UBAC2: variants seen among roughly 807,000 people sequenced by gnomAD.
The protein encoded by UBAC2 is UBA domain containing 2, also known as ubiquitin-associated domain-containing protein 2.
Under a neutral mutation model 44.0 loss-of-function variants are expected in UBAC2, and 26 were observed. The ratio of observed to expected loss-of-function variants is 0.59; its 90% CI spans 0.43 to 0.82. The LOEUF (loss-of-function observed/expected upper bound fraction) is 0.82. Among genes scored for constraint, UBAC2 ranks in the 40% least tolerant of loss-of-function variants. The pLI is 0.00. For synonymous variants in UBAC2, 155 were observed against 154.3 expected, an observed-to-expected ratio of 1.00 and a Z score of -0.04; for missense variants, 329 against 419.4, an observed-to-expected ratio of 0.78 and a Z score of 1.88.
intron 7 of UBAC2, among the ~76,000 whole-genome samples, chr13:99,358,907 G>T (rs1321456313): frequency 6.6e-6 from 1 of 152,208 alleles, no homozygotes; most frequent in Non-Finnish European, 1.5e-5. Context: ...GTGTGTTCAG[G>T]AGACAGTGGG....
intron 1 of UBAC2, chr13:99,201,702 A>G (rs2042802616): frequency 4.5e-6 from 4 of 896,822 alleles, no homozygotes; most frequent in Middle Eastern, 3.5e-4. Context: ...CTAATTTTGC[A>G]ATTGCTTGTC....
chr13:99,360,795 T>C (rs2045255024), intron 7 of UBAC2, among the ~76,000 whole-genome samples: 1 of 152,214 alleles, frequency 6.6e-6, no homozygotes, highest in Admixed American at 6.5e-5. Context: ...GATTTAGGCC[T>C]CACAGCTCCC....
intron 4 of UBAC2, among the ~76,000 whole-genome samples, chr13:99,273,841 C>CCTAGATGAAAA: frequency 6.6e-6 from 1 of 150,778 alleles, no homozygotes; most frequent in African/African-American, 2.4e-5. Context: ...TGTTCAGTCT[C>CCTAGATGAAAA]CTGGACAGGT....
rs1594176283 is a variant in UBAC2, at chr13:99,367,022, A to G, written c.808-765A>G. ...GAGATTTAAATTAATAAATTCAAAGATTGCCATATAGCTAGAAACATGGAT... is the reference window on the plus strand; with the variant it reads ...GAGATTTAAATTAATAAATTCAAAGGTTGCCATATAGCTAGAAACATGGAT... On this transcript the variant is annotated intron_variant, in intron 7 of 8. Transcript: ENST00000403766. 3.3e-5 allele frequency among the ~76,000 whole-genome samples: 5 copies of G among 152,342 alleles called. No individual in the cohort carries two copies. In the East Asian group the frequency reaches 5.8e-4, roughly 18 times the overall value.
intron 4 of UBAC2, among the ~76,000 whole-genome samples, chr13:99,281,700 A>G (rs913836818): frequency 6.6e-6 from 1 of 152,222 alleles, no homozygotes; most frequent in African/African-American, 2.4e-5. Context: ...ATGTCTTGAC[A>G]TTGCCTGAGG....
At chr13:99,349,250 C>G (rs2045040118) in intron 7 of UBAC2, among the ~76,000 whole-genome samples, 1 of 152,218 alleles carries the variant, frequency 6.6e-6, no homozygotes, top group Admixed American at 6.5e-5. Context: ...CAAAGAAGCT[C>G]TGTGTGCTGT....
chr13:99,229,055 T>G (rs2043144079), intron 1 of UBAC2, among the ~76,000 whole-genome samples: 2 of 152,178 alleles, frequency 1.3e-5, no homozygotes, highest in African/African-American at 4.8e-5. Context: ...CTGTTAATGA[T>G]CTGGACGTTT....
rs187786461 is a variant in UBAC2, at chr13:99,368,547, G to A, written c.927+641G>A. ...TAGCAATTCTAAAATTATGCTGTGTGTATTATAGATTTGAGCAAATGAGGA... is the reference window on the plus strand; with the variant it reads ...TAGCAATTCTAAAATTATGCTGTGTATATTATAGATTTGAGCAAATGAGGA... On this transcript the variant is annotated intron_variant, in intron 8 of 8. Coordinates refer to ENST00000403766, the MANE Select transcript of UBAC2 (RefSeq NM_001144072.2). Among the ~76,000 whole-genome samples, 7 of 152,290 alleles carry A rather than the reference G, an allele frequency of 4.6e-5. No individual in the cohort carries two copies. In the East Asian group the frequency reaches 1.2e-3, roughly 25 times the overall value.
intron 5 of UBAC2, among the ~76,000 whole-genome samples, chr13:99,314,542 T>G (rs2044462035): frequency 1.3e-5 from 2 of 152,186 alleles, no homozygotes; most frequent in Admixed American, 1.3e-4. Flanking sequence ...TGGAAACAAA[T>G]GAGAACAATC....
intron 1 of UBAC2, among the ~76,000 whole-genome samples, chr13:99,225,280 C>T (rs557250005): frequency 1.4e-4 from 22 of 152,292 alleles, no homozygotes; most frequent in African/African-American, 5.3e-4. Context: ...ACTCTGTATC[C>T]ATTAAACAAC....
intron 8 of UBAC2, among the ~76,000 whole-genome samples, chr13:99,383,073 G>A (rs1175376247): frequency 6.6e-6 from 1 of 152,380 alleles, no homozygotes; most frequent in African/African-American, 2.4e-5. Flanking sequence ...CACCAGGGTG[G>A]CAGCATTCTC....
At chr13:99,237,653 A>G (rs1294934524) in intron 1 of UBAC2, among the ~76,000 whole-genome samples, 1 of 152,226 alleles carries the variant, frequency 6.6e-6, no homozygotes, top group Non-Finnish European at 1.5e-5. Flanking sequence ...GAAAAGAGAG[A>G]TATTTAAGAT....
At chr13:99,263,933 GATGAA>G (rs1222937444) in intron 4 of UBAC2, among the ~76,000 whole-genome samples, 21 of 152,318 alleles carry the variant, frequency 1.4e-4, no homozygotes, top group African/African-American at 4.8e-4. Context: ...TCAAAAAGCA[GATGAA>G]ATGAAAATAC....
intron 4 of UBAC2, among the ~76,000 whole-genome samples, chr13:99,250,878 C>G (rs1009670902): frequency 2.0e-5 from 3 of 152,064 alleles, no homozygotes; most frequent in African/African-American, 7.2e-5. Context: ...TCCCGAGTAG[C>G]TGGGATTACA....
rs565387078 is a variant in UBAC2, at chr13:99,201,799, C to T, written c.31+860C>T. On this transcript the variant is annotated intron_variant, in intron 1 of 8. Coordinates refer to ENST00000403766, the MANE Select transcript of UBAC2 (RefSeq NM_001144072.2). ...ATATTAAAGATCTGTTGGCCGGGCG[C>T]GGTGGCTCACGCCTGTAATCCCAGC... Among the ~76,000 whole-genome samples, 24 of 152,186 alleles carry T rather than the reference C, an allele frequency of 1.6e-4. 1 individual carries two copies. In the South Asian group the frequency reaches 2.1e-3, roughly 13 times the overall value.
At chr13:99,245,456 T>G (rs1444533298) in intron 4 of UBAC2, among the ~76,000 whole-genome samples, 2 of 152,220 alleles carry the variant, frequency 1.3e-5, no homozygotes, top group Non-Finnish European at 2.9e-5. Flanking sequence ...GCTTTCATAT[T>G]GCGTTGATCT....
At chr13:99,267,905 A>G (rs1275072896) in intron 4 of UBAC2, among the ~76,000 whole-genome samples, 6 of 152,096 alleles carry the variant, frequency 3.9e-5, no homozygotes, top group African/African-American at 1.4e-4. Context: ...CACTTTTGTA[A>G]CCACCCTGTG....
intron 8 of UBAC2, among the ~76,000 whole-genome samples, chr13:99,371,653 GT>G (rs2138906280): frequency 6.6e-6 from 1 of 152,234 alleles, no homozygotes; most frequent in East Asian, 1.9e-4. Flanking sequence ...TCAATTAAAT[GT>G]TTGTATTTTC....
At chr13:99,293,016 C>T (rs1210807279) in intron 4 of UBAC2, among the ~76,000 whole-genome samples, 3 of 152,070 alleles carry the variant, frequency 2.0e-5, no homozygotes, top group Non-Finnish European at 4.4e-5. Context: ...TGCCCACAGC[C>T]GTGTATGAAC....
Sources: allele counts gnomAD v4.1 joint callset (sites outside exome capture counted in the v4.1 genomes callset), GRCh38; gene constraint gnomAD v4.1.1; transcripts MANE v1.5; gene names NCBI Gene and HGNC (gene_info 2026-07-23, HGNC 2026-07-21).